PTPRD: variants seen among roughly 807,000 people sequenced by gnomAD.
PTPRD encodes receptor-type tyrosine-protein phosphatase delta.
A neutral mutation model predicts 214.5 loss-of-function variants in PTPRD; 34 were observed. The observed-to-expected ratio is 0.16, with a 90% CI of 0.12 to 0.21. The LOEUF is 0.21. PTPRD is among the 10% of genes least tolerant of loss of function. The pLI, the probability that PTPRD is intolerant of heterozygous loss-of-function variation, is 1.00. For missense variants in PTPRD, 2,545 were observed against 2,398.7 expected (o/e 1.06, Z -1.27); for synonymous variants, 1,128 against 845.7 (o/e 1.33, Z -5.79).
At chr9:10,122,814 C>A (rs1374465717) in intron 3 of PTPRD, among the ~76,000 whole-genome samples, 3 of 152,210 alleles carry the variant, frequency 2.0e-5, no homozygotes, top group Non-Finnish European at 4.4e-5. Context: ...CCTGACTTAA[C>A]CATCACCTGG....
At chr9:9,634,048 T>C (rs1435432760) in intron 7 of PTPRD, among the ~76,000 whole-genome samples, 1 of 152,150 alleles carries the variant, frequency 6.6e-6, no homozygotes, top group African/African-American at 2.4e-5. Context: ...ATCTTAATTC[T>C]TTTTATTTTT....
chr9:8,840,232 C>T lies in PTPRD; in HGVS notation c.-103-106286G>A, dbSNP rs957916373. ...CACCCAAATCTCATCTTGAATTCCA[C>T]GTGTTGTAGGAGATACCTGGTGGGA... On this transcript the variant is annotated intron_variant, in intron 11 of 45. Coordinates refer to ENST00000381196, the MANE Select transcript of PTPRD (RefSeq NM_002839.4). 5.3e-5 allele frequency among the ~76,000 whole-genome samples: 8 copies of T among 152,264 alleles called. No homozygotes were observed. In the East Asian group the frequency reaches 5.8e-4, roughly 11 times the overall value.
At chr9:8,593,356 G>C (rs1342783208) in intron 14 of PTPRD, among the ~76,000 whole-genome samples, 3 of 152,154 alleles carry the variant, frequency 2.0e-5, no homozygotes, top group African/African-American at 7.2e-5. Flanking sequence ...AATGCCTACA[G>C]AACCAGTGTG....
intron 14 of PTPRD, among the ~76,000 whole-genome samples, chr9:8,621,056 A>G (rs34316255): frequency 6.6e-6 from 1 of 151,980 alleles, no homozygotes; most frequent in Non-Finnish European, 1.5e-5. Context: ...TATATAATCA[A>G]CCGGAGATAC....
At chr9:8,448,427 G>A (rs1237114594) in intron 34 of PTPRD, among the ~76,000 whole-genome samples, 6 of 152,054 alleles carry the variant, frequency 3.9e-5, no homozygotes, top group South Asian at 2.1e-4. Flanking sequence ...CTGACCCAAT[G>A]AAATTTACTA....
At chr9:9,149,047 G>C (rs1237821499) in intron 10 of PTPRD, among the ~76,000 whole-genome samples, 1 of 152,176 alleles carries the variant, frequency 6.6e-6, no homozygotes, top group Non-Finnish European at 1.5e-5. Flanking sequence ...TTTTCAGTTA[G>C]GAGACATGGA....
In PTPRD at chr9:8,499,828, G is replaced by A. The variant is rs2097355074; in HGVS notation, c.2141C>T (p.Pro714Leu). The change falls in exon 25 of 46, where the codon CCT becomes CTT. Residue 714 changes from proline (P) to leucine (L), a missense_variant. By Grantham distance (98) the Pro-to-Leu change is moderately conservative. Coordinates refer to ENST00000381196, the MANE Select transcript of PTPRD (RefSeq NM_002839.4). ...AGCCTCTACCTCGACTTTGCGAGGA[G>A]GACCACTAGGAACTGGAACAACATC... ...IRTNEDVPSG[P>L]PRKVEVEAVN... 1.9e-6 allele frequency: 3 copies of A among 1,610,036 alleles called. No homozygotes were observed. Among genetic ancestry groups the A allele is most frequent in the Non-Finnish European group, 2.5e-6 (3 of 1,178,308 alleles).
intron 4 of PTPRD, among the ~76,000 whole-genome samples, chr9:9,941,520 G>A (rs1267588921): frequency 6.6e-6 from 1 of 152,022 alleles, no homozygotes; most frequent in Non-Finnish European, 1.5e-5. Context: ...ATGGAGTTTC[G>A]CCGTATTGGC....
At chr9:9,902,518 T>C (rs1262602809) in intron 5 of PTPRD, among the ~76,000 whole-genome samples, 1 of 152,056 alleles carries the variant, frequency 6.6e-6, no homozygotes, top group African/African-American at 2.4e-5. Flanking sequence ...AGAAATTTGG[T>C]CTCAAGATAA....
intron 9 of PTPRD, among the ~76,000 whole-genome samples, chr9:9,326,789 T>G (rs1408742329): frequency 6.6e-6 from 1 of 152,066 alleles, no homozygotes; most frequent in Non-Finnish European, 1.5e-5. Context: ...AAAAAGGTAT[T>G]TTTTCATGAT....
chr9:8,964,190 G>GCTTTTT (rs2099174454), intron 11 of PTPRD, among the ~76,000 whole-genome samples: 1 of 52,956 alleles, frequency 1.9e-5, no homozygotes, highest in African/African-American at 7.1e-5. Flanking sequence ...GTTCAGGGCT[G>GCTTTTT]TGTTTTTTTT....
At chr9:10,579,866 C>G (rs970528002) in intron 2 of PTPRD, among the ~76,000 whole-genome samples, 1 of 152,068 alleles carries the variant, frequency 6.6e-6, no homozygotes, top group Non-Finnish European at 1.5e-5. Flanking sequence ...CAACATTAAG[C>G]ATTTTTTCAC....
At chr9:10,291,439 A>C (rs1299994141) in intron 3 of PTPRD, among the ~76,000 whole-genome samples, 1 of 152,158 alleles carries the variant, frequency 6.6e-6, no homozygotes, top group Non-Finnish European at 1.5e-5. Context: ...TTGAGATGGG[A>C]AGATGAGCGG....
chr9:9,314,614 T>C (rs1246323270), intron 9 of PTPRD, among the ~76,000 whole-genome samples: 1 of 152,034 alleles, frequency 6.6e-6, no homozygotes, highest in Non-Finnish European at 1.5e-5. Context: ...GTGCCTAGTA[T>C]AGTGTTTTGC....
At chr9:10,433,783 T>C (rs1420455815) in intron 2 of PTPRD, among the ~76,000 whole-genome samples, 1 of 151,920 alleles carries the variant, frequency 6.6e-6, no homozygotes, top group Admixed American at 6.6e-5. Context: ...TATTAAAGAA[T>C]GCTTTTAATG....
At chr9:9,194,178 T>C (rs140311505) in intron 9 of PTPRD, among the ~76,000 whole-genome samples, 287 of 152,230 alleles carry the variant, frequency 1.9e-3, no homozygotes, top group Admixed American at 3.0e-3. Flanking sequence ...CCACTGGAAA[T>C]TCTTCAGGGG....
intron 3 of PTPRD, among the ~76,000 whole-genome samples, chr9:10,215,931 A>C (rs1384106515): frequency 6.6e-6 from 1 of 151,986 alleles, no homozygotes; most frequent in Non-Finnish European, 1.5e-5. Context: ...ACAACATATA[A>C]ATCAGAGGAC....
intron 14 of PTPRD, among the ~76,000 whole-genome samples, chr9:8,568,537 T>G (rs2090118596): frequency 6.6e-6 from 1 of 152,146 alleles, no homozygotes; most frequent in South Asian, 2.1e-4. Flanking sequence ...TTATTAACCT[T>G]CGGTAAAACA....
At chr9:8,919,578 C>T (rs1382765456) in intron 11 of PTPRD, among the ~76,000 whole-genome samples, 1 of 152,108 alleles carries the variant, frequency 6.6e-6, no homozygotes, top group Non-Finnish European at 1.5e-5. Flanking sequence ...ACTGAGAATG[C>T]TGTGTCATGC....
Sources: gnomAD v4.1 joint callset for allele counts (sites outside exome capture counted in the v4.1 genomes callset) on GRCh38, gnomAD v4.1.1 for gene constraint, MANE v1.5 for transcripts, NCBI Gene and HGNC (gene_info 2026-07-23, HGNC 2026-07-21) for gene names.